ANAPC4: variants seen among roughly 807,000 people sequenced by gnomAD.
The protein encoded by ANAPC4 is anaphase-promoting complex subunit 4.
A neutral mutation model predicts 119.8 loss-of-function variants in ANAPC4; 63 were observed. The observed-to-expected ratio is 0.53, with a 90% CI of 0.43 to 0.65. ANAPC4 has a LOEUF of 0.65. Ranked by LOEUF, ANAPC4 falls within the 30% of genes least tolerant of loss-of-function variation. The pLI, the probability that ANAPC4 is intolerant of heterozygous loss-of-function variation, is 0.00. For synonymous variants in ANAPC4, 283 were observed against 318.6 expected (o/e 0.89, Z 1.19); for missense variants, 716 against 945.1 (o/e 0.76, Z 3.18).
In ANAPC4 at chr4:25,418,352, G is replaced by A. The variant is rs1179888498; in HGVS notation, c.2397G>A (p.Val799=). ...TAGCTCCAGAGATAGTCATTAAAGT[G>A]GAAAAACTTGACCCTGAGCTAGACT... ...AALAPEIVIK[V]EKLDPELDS Residue 799 remains valine, a synonymous_variant, in exon 29 of 29, where the codon GTG becomes GTA. Transcript: ENST00000315368. 1 of 1,613,984 alleles carries A rather than the reference G, an allele frequency of 6.2e-7. No individual in the cohort carries two copies. The highest frequency in any genetic ancestry group is 1.7e-5 in the Admixed American group (1 of 60,002).
chr4:25,389,729 A>G (rs893158120), intron 7 of ANAPC4, among the ~76,000 whole-genome samples: 1 of 152,382 alleles, frequency 6.6e-6, no homozygotes. Flanking sequence ...GTTAAAGGAT[A>G]TAAGTACTAG....
Position 25,377,266 on chromosome 4 carries a change from G to T in ANAPC4, c.-89G>T, listed in dbSNP as rs919617237. On this transcript the variant is annotated 5_prime_UTR_variant, in exon 1 of 29. Coordinates refer to ENST00000315368, the MANE Select transcript of ANAPC4 (RefSeq NM_013367.3). Reference sequence around the variant, plus strand: ...GACAGCGGCGGGGCGGGGCGGCCTGGAGGCTGTGGCGCGCGGCCGGCAGAG... The same window carrying T: ...GACAGCGGCGGGGCGGGGCGGCCTGTAGGCTGTGGCGCGCGGCCGGCAGAG... The T allele has an allele frequency of 2.7e-5, 27 of 996,056 alleles. No individual in the cohort carries two copies. The highest frequency in any genetic ancestry group is 3.3e-4 in the Middle Eastern group (1 of 2,992). The allele number at this position is 996,056 out of a possible 1,614,324, so 61.7% of individuals were successfully genotyped here. A position where few individuals can be genotyped will look rare whatever the true frequency, so the allele number is the denominator to read the frequency against.
intron 20 of ANAPC4, among the ~76,000 whole-genome samples, chr4:25,407,536 A>T (rs1456053880): frequency 6.6e-6 from 1 of 152,026 alleles, no homozygotes; most frequent in Non-Finnish European, 1.5e-5. Context: ...CAGGAGACAG[A>T]GGTTTCAGTG....
chr4:25,415,451 C>T lies in ANAPC4; in HGVS notation c.1827-15C>T. The T allele has an allele frequency of 6.2e-7, 1 of 1,602,340 alleles. No individual in the cohort carries two copies. The highest frequency in any genetic ancestry group is 8.5e-7 in the Non-Finnish European group (1 of 1,173,612). On this transcript the variant is annotated splice_polypyrimidine_tract_variant and intron_variant, in intron 25 of 28. Coordinates refer to ENST00000315368, the MANE Select transcript of ANAPC4 (RefSeq NM_013367.3). ...GTTCCACAGAGTCTCTTTTTTTCCCCCTTCTTTCTTGAAGATCTGTGAGTA... is the reference window on the plus strand; with the variant it reads ...GTTCCACAGAGTCTCTTTTTTTCCCTCTTCTTTCTTGAAGATCTGTGAGTA...
intron 28 of ANAPC4, 100 bp downstream of exon 28, chr4:25,417,839 G>A: frequency 8.3e-6 from 12 of 1,450,944 alleles, no homozygotes; most frequent in Non-Finnish European, 1.1e-5. Context: ...GTCCTTTTGT[G>A]CAAATATTTT....
At chr4:25,396,600 T>G (rs1382317660) in intron 14 of ANAPC4, 64 bp from the exon 15 acceptor site, 1 of 1,167,436 alleles carries the variant, frequency 8.6e-7, no homozygotes, top group Non-Finnish European at 1.2e-6. Context: ...TTTAGAAATA[T>G]TCAGGCAAGT....
intron 21 of ANAPC4, among the ~76,000 whole-genome samples, chr4:25,412,100 G>A (rs1723601733): frequency 6.6e-6 from 1 of 152,080 alleles, no homozygotes; most frequent in Non-Finnish European, 1.5e-5. Flanking sequence ...TGCTAGAATG[G>A]CTCACAAAAC....
intron 3 of ANAPC4, among the ~76,000 whole-genome samples, chr4:25,381,790 A>G (rs1351990543): frequency 1.3e-5 from 2 of 152,176 alleles, no homozygotes; most frequent in Non-Finnish European, 2.9e-5. Context: ...TCTACTAAAA[A>G]TACAAAAATT....
chr4:25,401,441 A>T (rs1307264602), intron 16 of ANAPC4, among the ~76,000 whole-genome samples: 1 of 152,126 alleles, frequency 6.6e-6, no homozygotes, highest in Non-Finnish European at 1.5e-5. Flanking sequence ...CCCCCTAGGC[A>T]TTCTTCATGT....
chr4:25,417,701 T>C lies in ANAPC4; in HGVS notation c.2161T>C (p.Tyr721His). The change falls in exon 28 of 29, where the codon TAT becomes CAT. Residue 721 changes from tyrosine (Y) to histidine (H), a missense_variant. Around this residue, in one of 3 missense-constraint regions of ANAPC4, gnomAD observed 504 missense variants for 615.8 expected, o/e 0.82. Transcript: ENST00000315368. The part of the protein sequence containing the change: ...WRLLESMKAQ[Y>H]VAGNGFRKVS... ...ATTACTGGAAAGTATGAAAGCACAG[T>C]ATGTTGCTGGGAATGGTTTTCGAAA... 6.2e-7 allele frequency: 1 copy of C among 1,613,406 alleles called. No individual in the cohort carries two copies. The highest frequency in any genetic ancestry group is 8.5e-7 in the Non-Finnish European group (1 of 1,179,726).
chr4:25,407,395 T>C, intron 20 of ANAPC4, 142 bp downstream of exon 20: 1 of 579,122 alleles, frequency 1.7e-6, no homozygotes, highest in Non-Finnish European at 2.8e-6. Context: ...TTTTAAACAT[T>C]TTGATCTGAG....
intron 26 of ANAPC4, 30 bp downstream of exon 26, chr4:25,415,570 G>A (rs1269908875): frequency 1.3e-6 from 2 of 1,565,414 alleles, no homozygotes; most frequent in East Asian, 2.2e-5. Context: ...TGGATGAAAT[G>A]TAGATACATG....
intron 9 of ANAPC4, 64 bp from the exon 10 acceptor site, chr4:25,392,274 T>C: frequency 1.7e-6 from 2 of 1,189,844 alleles, no homozygotes; most frequent in African/African-American, 1.5e-5. Flanking sequence ...ACCCACACTC[T>C]AAATTACAGA....
chr4:25,408,005 G>A (rs983102159), intron 20 of ANAPC4, among the ~76,000 whole-genome samples: 7 of 152,162 alleles, frequency 4.6e-5, no homozygotes, highest in African/African-American at 9.7e-5. Context: ...GTTAAGAGTG[G>A]TAACGTTTCA....
At chr4:25,381,135 C>T (rs1216986427) in intron 3 of ANAPC4, among the ~76,000 whole-genome samples, 1 of 152,130 alleles carries the variant, frequency 6.6e-6, no homozygotes, top group Non-Finnish European at 1.5e-5. Flanking sequence ...TCATTTGTAT[C>T]ATTGGTACTT....
intron 25 of ANAPC4, among the ~76,000 whole-genome samples, chr4:25,414,925 C>A (rs1723778028): frequency 6.6e-6 from 1 of 151,878 alleles, no homozygotes; most frequent in South Asian, 2.1e-4. Flanking sequence ...CATTGTAGGA[C>A]TTTTTTTAGA....
chr4:25,414,419 C>T lies in ANAPC4; in HGVS notation c.1685+34C>T, dbSNP rs376862385. On this transcript the variant is annotated intron_variant, in intron 23 of 28. Transcript: ENST00000315368. ...GTTTACCTATTGGATGGTGTAATTC[C>T]GCAGCCAATTTAAATTTTTCTCATT... The T allele has an allele frequency of 1.5e-5, 24 of 1,594,476 alleles. No homozygotes were observed. In the East Asian group the frequency reaches 2.9e-4, roughly 19 times the overall value.
At position 25,396,931 on chromosome 4, in the gene ANAPC4, C is replaced by G; in HGVS notation, c.1214+32C>G. The G allele has an allele frequency of 1.9e-6, 3 of 1,574,708 alleles. No homozygotes were observed. In the Middle Eastern group the frequency reaches 5.1e-4, roughly 270 times the overall value. On this transcript the variant is annotated intron_variant, in intron 16 of 28. Transcript: ENST00000315368. ...ATTGGGAGTACCTGGAATCACTGAC[C>G]TAAGAATATGTCACTTTTGACCTAA...
chr4:25,390,033 CATGT>C, intron 7 of ANAPC4, 99 bp from the exon 8 acceptor site: 1 of 742,106 alleles, frequency 1.3e-6, no homozygotes, highest in Non-Finnish European at 2.2e-6. Flanking sequence ...GGAGCTTTAG[CATGT>C]AGATTATATG....
Sources: allele counts gnomAD v4.1 joint callset (sites outside exome capture counted in the v4.1 genomes callset), GRCh38; gene constraint gnomAD v4.1.1; regional missense constraint gnomAD v4.1.1; transcripts MANE v1.5; gene names NCBI Gene and HGNC (gene_info 2026-07-23, HGNC 2026-07-21).